SPATA13: variants seen among roughly 807,000 people sequenced by gnomAD.
SPATA13 encodes spermatogenesis associated 13.
SPATA13 carries 50 observed loss-of-function variants against 104.0 expected under a neutral mutation model. The observed-to-expected ratio is 0.48, with a 90% confidence interval of 0.38 to 0.61. The LOEUF (loss-of-function observed/expected upper bound fraction) is 0.61. Ranked by LOEUF, SPATA13 falls within the 20% of genes least tolerant of loss-of-function variation. The probability of loss-of-function intolerance (pLI) is 0.00; values close to 1 mark genes in which losing one functional copy is unlikely to be tolerated. For missense variants in SPATA13, 1,524 were observed against 1,690.6 expected (o/e 0.90, Z 1.73); for synonymous variants, 606 against 667.5 (o/e 0.91, Z 1.42).
intron 1 of SPATA13, among the ~76,000 whole-genome samples, chr13:23,981,510 G>T (rs1874894326): frequency 6.6e-6 from 1 of 152,210 alleles, no homozygotes. Context: ...AGCCGGAAAT[G>T]CTAGGAAGCA....
chr13:24,157,980 T>A (rs112067538), upstream of SPATA13, among the ~76,000 whole-genome samples: 1,446 of 152,300 alleles, frequency 9.5e-3, 25 homozygotes, highest in African/African-American at 0.033. Flanking sequence ...AAATGATGAA[T>A]GTAAACAACG....
At chr13:24,184,575 T>C (rs181974476) in intron 1 of SPATA13, among the ~76,000 whole-genome samples, 1 of 152,348 alleles carries the variant, frequency 6.6e-6, no homozygotes, top group Admixed American at 6.5e-5. Context: ...TGATTTTTTT[T>C]CTCTCTGATG....
chr13:24,262,933 T>C (rs1874125991), intron 4 of SPATA13, among the ~76,000 whole-genome samples: 1 of 152,208 alleles, frequency 6.6e-6, no homozygotes, highest in Non-Finnish European at 1.5e-5. Flanking sequence ...TAAGCAAATT[T>C]AAAATACATA....
At position 24,205,354 on chromosome 13, in the gene SPATA13, C is replaced by T. The variant is rs1158550469; in HGVS notation, c.-111-17465C>T. Among the ~76,000 whole-genome samples, 1 of 152,060 alleles carries T rather than the reference C, an allele frequency of 6.6e-6. No individual in the cohort carries two copies. The highest frequency in any genetic ancestry group is 1.5e-5 in the Non-Finnish European group (1 of 67,974). On this transcript the variant is annotated intron_variant, in intron 1 of 12. Transcript: ENST00000382108. The surrounding 1 kb of genome is among the most constrained non-coding windows in gnomAD (Gnocchi z 4.1). ...TTTCCATTTACAATTGCCACCAAAA[C>T]AATAAAATACCTAGGAATACAGCTA...
intron 3 of SPATA13, among the ~76,000 whole-genome samples, chr13:24,083,466 A>T (rs570614762): frequency 2.0e-4 from 30 of 152,274 alleles, no homozygotes; most frequent in Admixed American, 9.2e-4. Context: ...GACCACATTA[A>T]CCAGGAACTT....
intron 1 of SPATA13, among the ~76,000 whole-genome samples, chr13:24,190,738 G>A (rs1046144466): frequency 6.6e-6 from 1 of 152,068 alleles, no homozygotes; most frequent in Non-Finnish European, 1.5e-5. Flanking sequence ...TTCTTGTGAC[G>A]GAAACTACCT....
At chr13:24,241,427 G>A (rs547561752) in intron 2 of SPATA13, among the ~76,000 whole-genome samples, 1 of 152,334 alleles carries the variant, frequency 6.6e-6, no homozygotes, top group African/African-American at 2.4e-5. Context: ...TTTGTGAGAC[G>A]GCATTACTCA....
intron 3 of SPATA13, among the ~76,000 whole-genome samples, chr13:24,139,295 A>G (rs2138454617): frequency 6.6e-6 from 1 of 152,336 alleles, no homozygotes; most frequent in African/African-American, 2.4e-5. Flanking sequence ...TAACTGGACT[A>G]CATCTGCAGG....
intron 3 of SPATA13, among the ~76,000 whole-genome samples, chr13:24,071,822 A>C (rs1276025490): frequency 6.6e-6 from 1 of 152,198 alleles, no homozygotes; most frequent in African/African-American, 2.4e-5. Context: ...TATGTTAAGC[A>C]AAGTTTTAAC....
At chr13:24,131,943 T>C (rs1311369623) in intron 3 of SPATA13, among the ~76,000 whole-genome samples, 1 of 152,196 alleles carries the variant, frequency 6.6e-6, no homozygotes, top group East Asian at 1.9e-4. Context: ...AGGGTACCAA[T>C]GTGCTCAGCT....
intron 3 of SPATA13, among the ~76,000 whole-genome samples, chr13:24,085,258 G>T (rs1286549391): frequency 2.0e-5 from 3 of 152,140 alleles, no homozygotes; most frequent in Non-Finnish European, 1.5e-5. Flanking sequence ...AAGTAGCTGG[G>T]ACTACAGGCA....
intron 1 of SPATA13, among the ~76,000 whole-genome samples, chr13:24,183,525 C>T (rs532480585): frequency 6.6e-6 from 1 of 152,294 alleles, no homozygotes; most frequent in South Asian, 2.1e-4. Context: ...GCTCACGGGC[C>T]ACATGCAGCC....
chr13:24,106,017 G>A (rs993717875), intron 3 of SPATA13, among the ~76,000 whole-genome samples: 1 of 152,166 alleles, frequency 6.6e-6, no homozygotes, highest in African/African-American at 2.4e-5. Flanking sequence ...TACCCAATCT[G>A]TGGTACTTTA....
chr13:24,092,330 A>T (rs905721174), intron 3 of SPATA13, among the ~76,000 whole-genome samples: 2 of 152,204 alleles, frequency 1.3e-5, no homozygotes, highest in East Asian at 3.9e-4. Flanking sequence ...CAGATAAAAC[A>T]CTAGATATTT....
At chr13:24,213,517 G>A (rs1452505463) in intron 1 of SPATA13, among the ~76,000 whole-genome samples, 1 of 151,302 alleles carries the variant, frequency 6.6e-6, no homozygotes, top group East Asian at 1.9e-4. Flanking sequence ...CATCTGCCTC[G>A]GCCTCCCAAA....
In SPATA13 at chr13:24,204,773, C is replaced by T. The variant is rs115346572; in HGVS notation, c.-111-18046C>T. 6.4e-3 allele frequency among the ~76,000 whole-genome samples: 971 copies of T among 152,276 alleles called. 8 individuals are homozygous for T. The highest frequency in any genetic ancestry group is 0.022 in the African/African-American group (894 of 41,538). ...GGTTCATCCCTGCTGTAGCATGAGT[C>T]AGAATTTCTTTTCTTTTTAAGGCTA... On this transcript the variant is annotated intron_variant, in intron 1 of 12. Coordinates refer to ENST00000382108, the MANE Select transcript of SPATA13 (RefSeq NM_001166271.3).
At chr13:24,154,090 A>G (rs542321818) in intron 3 of SPATA13, among the ~76,000 whole-genome samples, 2 of 152,158 alleles carry the variant, frequency 1.3e-5, no homozygotes, top group Non-Finnish European at 2.9e-5. Flanking sequence ...ACTCTCTTCT[A>G]CCACTTGTGG....
At chr13:24,191,588 C>T (rs1206085411) in intron 1 of SPATA13, among the ~76,000 whole-genome samples, 2 of 134,332 alleles carry the variant, frequency 1.5e-5, no homozygotes, top group Non-Finnish European at 3.1e-5. Context: ...TGGCTCACTG[C>T]AAGCTCTGCC....
chr13:24,083,672 C>T (rs1003580833), intron 3 of SPATA13, among the ~76,000 whole-genome samples: 1 of 152,186 alleles, frequency 6.6e-6, no homozygotes, highest in East Asian at 1.9e-4. Flanking sequence ...TTACTTTCTT[C>T]TGATTTGCCC....
Sources: allele counts gnomAD v4.1 joint callset (sites outside exome capture counted in the v4.1 genomes callset), GRCh38; gene constraint gnomAD v4.1.1; non-coding constraint Gnocchi (gnomAD v3.1); transcripts MANE v1.5; gene names NCBI Gene and HGNC (gene_info 2026-07-23, HGNC 2026-07-21).